The following NRG3 variants were observed in gnomAD, a reference collection of about 807,000 sequenced individuals.
NRG3 encodes the protein pro-neuregulin-3, membrane-bound isoform.
NRG3 carries 31 observed loss-of-function variants against 66.9 expected under a neutral mutation model. That is an observed-to-expected ratio of 0.46 (90% confidence interval 0.35 to 0.63). The LOEUF (loss-of-function observed/expected upper bound fraction) is 0.63, where lower values mean the gene tolerates loss of function less well. Ranked by LOEUF, NRG3 falls within the 20% of genes least tolerant of loss-of-function variation. NRG3 has a pLI of 0.00. For synonymous variants in NRG3, 393 were observed against 359.4 expected (o/e 1.09, Z -1.06); for missense variants, 910 against 878.9 (o/e 1.04, Z -0.45).
chr10:82,483,480 A>G (rs547229360), intron 2 of NRG3, among the ~76,000 whole-genome samples: 1 of 152,330 alleles, frequency 6.6e-6, no homozygotes, highest in Non-Finnish European at 1.5e-5. Flanking sequence ...TTTCATAAAG[A>G]TGTTGGTGAT....
intron 1 of NRG3, among the ~76,000 whole-genome samples, chr10:81,938,441 G>T (rs1400532322): frequency 6.8e-6 from 1 of 147,594 alleles, no homozygotes; most frequent in Admixed American, 6.8e-5. Flanking sequence ...ACAAATTTTT[G>T]CCTCCCTGGT....
chr10:82,647,390 A>C (rs968739513), intron 2 of NRG3, among the ~76,000 whole-genome samples: 3 of 152,226 alleles, frequency 2.0e-5, no homozygotes, highest in South Asian at 2.1e-4. Flanking sequence ...ACATTTTCTT[A>C]ATCCAGTCTA....
intron 1 of NRG3, among the ~76,000 whole-genome samples, chr10:82,164,830 A>G (rs1411860484): frequency 1.3e-5 from 2 of 152,192 alleles, no homozygotes; most frequent in Non-Finnish European, 2.9e-5. Flanking sequence ...CAACTTGGTT[A>G]TAGTAGTGTG....
chr10:82,647,724 G>A (rs904593215), intron 2 of NRG3, among the ~76,000 whole-genome samples: 3 of 152,150 alleles, frequency 2.0e-5, no homozygotes, highest in African/African-American at 7.2e-5. Flanking sequence ...GTATCTCATT[G>A]TGGTTTTGAT....
chr10:82,208,027 T>C (rs888212252), intron 1 of NRG3, among the ~76,000 whole-genome samples: 1 of 152,210 alleles, frequency 6.6e-6, no homozygotes, highest in African/African-American at 2.4e-5. Context: ...TGGAAAACTC[T>C]ATCTGCACTA....
chr10:82,746,879 T>C (rs1399568315), intron 3 of NRG3, among the ~76,000 whole-genome samples: 1 of 152,092 alleles, frequency 6.6e-6, no homozygotes, highest in African/African-American at 2.4e-5. Flanking sequence ...AGGAGTTGAA[T>C]ATCAGCCTGG....
intron 3 of NRG3, among the ~76,000 whole-genome samples, chr10:82,802,771 G>A (rs759841336): frequency 2.0e-5 from 3 of 152,138 alleles, no homozygotes; most frequent in South Asian, 2.1e-4. Context: ...GCCCCACTCA[G>A]CCTCCTAAGT....
At chr10:82,958,067 G>C (rs1360067102) in intron 5 of NRG3, among the ~76,000 whole-genome samples, 2 of 152,204 alleles carry the variant, frequency 1.3e-5, no homozygotes, top group African/African-American at 4.8e-5. Context: ...TTCCGCATGT[G>C]CACACAGGAG....
chr10:82,373,969 C>G (rs1437818242), intron 2 of NRG3, among the ~76,000 whole-genome samples: 2 of 152,124 alleles, frequency 1.3e-5, no homozygotes, highest in African/African-American at 4.8e-5. Context: ...ACCTCTGTAT[C>G]TATTATAATG....
chr10:82,419,489 C>G (rs900121339), intron 2 of NRG3, among the ~76,000 whole-genome samples: 7 of 152,104 alleles, frequency 4.6e-5, no homozygotes, highest in African/African-American at 1.7e-4. Context: ...TGTTTCTGTA[C>G]TTTTGCAAGT....
intron 1 of NRG3, among the ~76,000 whole-genome samples, chr10:82,138,114 G>A (rs1009599731): frequency 6.6e-6 from 1 of 152,034 alleles, no homozygotes; most frequent in Non-Finnish European, 1.5e-5. Context: ...AACAAATCCT[G>A]TTTATCTATG....
intron 1 of NRG3, among the ~76,000 whole-genome samples, chr10:82,097,177 A>G (rs1299399661): frequency 1.3e-5 from 2 of 151,972 alleles, no homozygotes; most frequent in Non-Finnish European, 2.9e-5. Context: ...TCAGAATGTC[A>G]TATGAATGAA....
intron 1 of NRG3, among the ~76,000 whole-genome samples, chr10:82,284,904 T>G (rs979253248): frequency 1.1e-4 from 16 of 152,176 alleles, no homozygotes; most frequent in African/African-American, 3.6e-4. Context: ...CTTTCCTAAT[T>G]GGCGCTTGCT....
At chr10:81,915,503 T>G (rs1234364028) in intron 1 of NRG3, among the ~76,000 whole-genome samples, 6 of 151,040 alleles carry the variant, frequency 4.0e-5, no homozygotes, top group Non-Finnish European at 5.9e-5. Context: ...TTAGTTTTTT[T>G]TTTTTTTGCC....
intron 1 of NRG3, among the ~76,000 whole-genome samples, chr10:81,954,188 A>G (rs923809936): frequency 6.6e-5 from 10 of 152,128 alleles, no homozygotes; most frequent in African/African-American, 2.4e-4. Context: ...GTAAGAGCAG[A>G]GTTAATTTAG....
intron 4 of NRG3, among the ~76,000 whole-genome samples, chr10:82,875,310 A>G (rs986132712): frequency 1.2e-4 from 18 of 152,156 alleles, no homozygotes; most frequent in Non-Finnish European, 2.1e-4. Context: ...ATACTTACAC[A>G]ATATTGTTTT....
At chr10:81,974,063 C>A (rs2060027556) in intron 1 of NRG3, among the ~76,000 whole-genome samples, 1 of 152,098 alleles carries the variant, frequency 6.6e-6, no homozygotes. Context: ...AGTCTTTAAC[C>A]CGTCTTGAGT....
intron 1 of NRG3, among the ~76,000 whole-genome samples, chr10:82,130,185 AT>A (rs899192771): frequency 1.6e-4 from 24 of 151,074 alleles, no homozygotes; most frequent in Non-Finnish European, 3.1e-4. Context: ...TATTCTATCA[AT>A]TTTTTAGACT....
chr10:82,597,130 T>C (rs1228005379), intron 2 of NRG3, among the ~76,000 whole-genome samples: 1 of 152,176 alleles, frequency 6.6e-6, no homozygotes, highest in East Asian at 1.9e-4. Context: ...GTAAAAGAGA[T>C]CTTCCCAAAT....
Sources: gnomAD v4.1 joint callset for allele counts (sites outside exome capture counted in the v4.1 genomes callset) on GRCh38, gnomAD v4.1.1 for gene constraint, MANE v1.5 for transcripts, NCBI Gene and HGNC (gene_info 2026-07-23, HGNC 2026-07-21) for gene names.